Variants in ASTN1 observed in about 807,000 individuals in gnomAD.
ASTN1 encodes astrotactin-1.
ASTN1 carries 41 observed loss-of-function variants against 140.7 expected under a neutral mutation model. The ratio of observed to expected loss-of-function variants is 0.29; its 90% confidence interval spans 0.23 to 0.38. The LOEUF (loss-of-function observed/expected upper bound fraction) is 0.38, where lower values mean the gene tolerates loss of function less well. Ranked by LOEUF, ASTN1 falls within the 10% of genes least tolerant of loss-of-function variation. The pLI is 1.00. For synonymous variants in ASTN1, 640 were observed against 652.2 expected (o/e 0.98, Z 0.29); for missense variants, 1,479 against 1,678.8 (o/e 0.88, Z 2.08).
At chr1:176,958,657 T>C (rs1367906815) in intron 9 of ASTN1, among the ~76,000 whole-genome samples, 175 bp from the exon 10 acceptor site, 1 of 152,240 alleles carries the variant, frequency 6.6e-6, no homozygotes, top group African/African-American at 2.4e-5. Context: ...GGCCAACCCT[T>C]GCTCACATGG....
chr1:176,963,102 A>C (rs1672735796), intron 9 of ASTN1, among the ~76,000 whole-genome samples: 1 of 152,228 alleles, frequency 6.6e-6, no homozygotes, highest in Non-Finnish European at 1.5e-5. Context: ...GATCACTTAG[A>C]AAACAGATTC....
chr1:176,926,015 G>A (rs2103080301), intron 16 of ASTN1, among the ~76,000 whole-genome samples: 1 of 152,084 alleles, frequency 6.6e-6, no homozygotes, highest in South Asian at 2.1e-4. Context: ...CACCGTGTTA[G>A]CCAGGATGGT....
intron 1 of ASTN1, among the ~76,000 whole-genome samples, chr1:177,084,022 T>G (rs1571758776): frequency 1.3e-5 from 2 of 152,220 alleles, no homozygotes; most frequent in Admixed American, 1.3e-4. Flanking sequence ...CTTCTGGCAT[T>G]GTCTTCTGTG....
Position 176,862,577 on chromosome 1 carries a change from G to T in ASTN1, c.*1707C>A, listed in dbSNP as rs1668004616. 2.0e-6 allele frequency: 2 copies of T among 985,202 alleles called. No individual in the cohort carries two copies. Among genetic ancestry groups the T allele is most frequent in the African/African-American group, 1.7e-5 (1 of 57,210 alleles). 61.0% of individuals were successfully genotyped at this position (985,202 alleles called of 1,614,324 possible). The stretch of plus-strand genomic sequence containing the variant: ...ACTGAAAACAGAACTGGGTATCCCA[G>T]AGTAGCTAAGATCCTGTGCCCTGGA... On this transcript the variant is annotated 3_prime_UTR_variant, in exon 23 of 23. Transcript: ENST00000361833.
intron 7 of ASTN1, among the ~76,000 whole-genome samples, chr1:177,021,396 G>A (rs186310464): frequency 6.6e-6 from 1 of 152,234 alleles, no homozygotes; most frequent in African/African-American, 2.4e-5. Flanking sequence ...GAGCTTTGCT[G>A]TAGACAAGCA....
At chr1:177,118,576 C>T (rs534845412) in intron 1 of ASTN1, among the ~76,000 whole-genome samples, 11 of 152,240 alleles carry the variant, frequency 7.2e-5, no homozygotes, top group Middle Eastern at 3.4e-3. Context: ...TTCAAATAAG[C>T]CATTAACACA....
chr1:177,101,222 G>A (rs1383861424), intron 1 of ASTN1, among the ~76,000 whole-genome samples: 2 of 152,140 alleles, frequency 1.3e-5, no homozygotes, highest in Non-Finnish European at 2.9e-5. Context: ...TAACTAAAAT[G>A]CATTTATCTA....
At position 176,959,633 on chromosome 1, in the gene ASTN1, G is replaced by C. The variant is rs1400469885; in HGVS notation, c.1599-1151C>G. 2.0e-5 allele frequency among the ~76,000 whole-genome samples: 3 copies of C among 152,194 alleles called. No homozygotes were observed. In the East Asian group the frequency reaches 5.8e-4, roughly 29 times the overall value. On this transcript the variant is annotated intron_variant, in intron 9 of 22. Coordinates refer to ENST00000361833, the MANE Select transcript of ASTN1 (RefSeq NM_004319.3). The stretch of plus-strand genomic sequence containing the variant: ...CATGATTTCTGCCTACACCCTGAAA[G>C]AGAGTCCTGGGCCCTAGAGCAGCTG...
intron 16 of ASTN1, among the ~76,000 whole-genome samples, chr1:176,919,186 C>T (rs1016217998): frequency 3.3e-5 from 5 of 152,290 alleles, no homozygotes; most frequent in African/African-American, 1.2e-4. Context: ...GCCTCTCATG[C>T]GGTGTTGTTT....
At chr1:177,127,843 A>G (rs1482910174) in intron 1 of ASTN1, among the ~76,000 whole-genome samples, 1 of 152,242 alleles carries the variant, frequency 6.6e-6, no homozygotes, top group Non-Finnish European at 1.5e-5. Context: ...AGCGTCCTGT[A>G]CGCATATGAT....
rs756724579 is a variant in ASTN1, at chr1:176,894,783, C to T, written c.2719G>A (p.Val907Met). 2 of 1,614,152 alleles carry T rather than the reference C, an allele frequency of 1.2e-6. No individual in the cohort carries two copies. The highest frequency in any genetic ancestry group is 1.7e-6 in the Non-Finnish European group (2 of 1,180,036). Residue 907 changes from valine to methionine, a missense_variant, in exon 17 of 23, where the codon GTG (valine) becomes ATG (methionine). By Grantham distance (21) the Val-to-Met change is conservative. This residue lies in a region of ASTN1 where 746 missense variants were observed against 800.9 expected (regional missense o/e 0.93). Transcript: ENST00000361833. Reference protein sequence around the residue: ...ESEERERDPKVLTFPEYITSL... With the variant: ...ESEERERDPKMLTFPEYITSL... ...GTGATGTATTCTGGGAATGTCAGCA[C>T]CTTGGGGTCTCTTTCCCGCTCCTCA... is the stretch of plus-strand genomic sequence containing the variant.
intron 1 of ASTN1, among the ~76,000 whole-genome samples, chr1:177,069,401 G>A (rs562347619): frequency 6.6e-6 from 1 of 152,156 alleles, no homozygotes; most frequent in South Asian, 2.1e-4. Context: ...GGCTAGGATG[G>A]ACTAAAACGA....
intron 22 of ASTN1, among the ~76,000 whole-genome samples, chr1:176,867,090 T>A (rs1231803928): frequency 6.6e-6 from 1 of 152,044 alleles, no homozygotes; most frequent in Non-Finnish European, 1.5e-5. Flanking sequence ...GGCCTTACTT[T>A]ACAACAAGAT....
intron 9 of ASTN1, among the ~76,000 whole-genome samples, chr1:176,960,629 AGAAT>A: frequency 6.6e-6 from 1 of 152,218 alleles, no homozygotes; most frequent in Admixed American, 6.5e-5. Flanking sequence ...CTGTACCTAC[AGAAT>A]AAAGTCCCAG....
At chr1:177,036,666 G>T (rs184643017) in intron 2 of ASTN1, among the ~76,000 whole-genome samples, 1 of 152,048 alleles carries the variant, frequency 6.6e-6, no homozygotes, top group Non-Finnish European at 1.5e-5. Context: ...CAGGTAGCAC[G>T]TAGGAAGAAA....
chr1:177,060,794 C>T (rs1678044667), intron 2 of ASTN1, among the ~76,000 whole-genome samples: 1 of 152,148 alleles, frequency 6.6e-6, no homozygotes, highest in Non-Finnish European at 1.5e-5. Flanking sequence ...AGTCACTGTG[C>T]CTGGCTGCCC....
intron 1 of ASTN1, among the ~76,000 whole-genome samples, chr1:177,102,062 G>A (rs1680328902): frequency 6.6e-6 from 1 of 152,078 alleles, no homozygotes; most frequent in South Asian, 2.1e-4. Context: ...ATCTGAAATG[G>A]GTCCCACTAA....
At chr1:177,107,324 A>G (rs1680598741) in intron 1 of ASTN1, among the ~76,000 whole-genome samples, 1 of 152,198 alleles carries the variant, frequency 6.6e-6, no homozygotes, top group South Asian at 2.1e-4. Context: ...GAGCAAATAA[A>G]CAAGTAATAT....
chr1:177,113,819 T>C (rs1475098322), intron 1 of ASTN1, among the ~76,000 whole-genome samples: 1 of 152,196 alleles, frequency 6.6e-6, no homozygotes, highest in African/African-American at 2.4e-5. Flanking sequence ...AGTTAATTAG[T>C]GGGTATGGAG....
Sources: gnomAD v4.1 joint callset for allele counts (sites outside exome capture counted in the v4.1 genomes callset) on GRCh38, gnomAD v4.1.1 for gene constraint, gnomAD v4.1.1 regional missense constraint, MANE v1.5 for transcripts, NCBI Gene and HGNC (gene_info 2026-07-23, HGNC 2026-07-21) for gene names.